The following IQGAP2 variants were observed in gnomAD, a reference collection of about 807,000 sequenced individuals.
IQGAP2 encodes the protein IQ motif containing GTPase activating protein 2, also known as ras GTPase-activating-like protein IQGAP2.
In IQGAP2, 173 loss-of-function variants were observed where a neutral mutation model predicts 201.3. The ratio of observed to expected loss-of-function variants is 0.86; its 90% CI spans 0.76 to 0.98. The LOEUF (loss-of-function observed/expected upper bound fraction) is 0.98. IQGAP2 is among the 50% of genes least tolerant of loss of function. The probability of loss-of-function intolerance (pLI) is 0.00; values close to 1 mark genes in which losing one functional copy is unlikely to be tolerated. For missense variants in IQGAP2, 1,687 were observed against 1,864.8 expected, an observed-to-expected ratio of 0.90 and a Z score of 1.76; for synonymous variants, 675 against 673.9, an observed-to-expected ratio of 1.00 and a Z score of -0.03.
At chr5:76,553,763 G>A (rs1216556949) in intron 2 of IQGAP2, among the ~76,000 whole-genome samples, 1 of 152,136 alleles carries the variant, frequency 6.6e-6, no homozygotes, top group Non-Finnish European at 1.5e-5. Flanking sequence ...ATAAGAAATA[G>A]CTTAAACTTT....
chr5:76,644,295 C>CTTTTTTTTTTT lies in IQGAP2; in HGVS notation c.2094+3204_2094+3214dup, dbSNP rs547155944. On this transcript the variant is annotated intron_variant, in intron 17 of 35. Coordinates refer to ENST00000274364, the MANE Select transcript of IQGAP2 (RefSeq NM_006633.5). ...AATGAGACTGCCATTTTTGTAAATCCTTTTTTTTTTTTTTTTTTTTTTGAG... is the reference window on the plus strand; with the variant it reads ...AATGAGACTGCCATTTTTGTAAATCCTTTTTTTTTTTTTTTTTTTTTTTTTTTTTTTTTGAG... Among the ~76,000 whole-genome samples, 109 of 47,768 alleles carry CTTTTTTTTTTT rather than the reference C, an allele frequency of 2.3e-3. 14 individuals carry two copies. The highest frequency in any genetic ancestry group is 3.5e-3 in the Non-Finnish European group (81 of 23,004). 31.3% of individuals were successfully genotyped at this position (47,768 alleles called of 152,430 possible). A position where few individuals can be genotyped will look rare whatever the true frequency, so the allele number is the denominator to read the frequency against.
chr5:76,615,908 T>G (rs1228594236), intron 13 of IQGAP2: 3 of 152,680 alleles, frequency 2.0e-5, no homozygotes, highest in Non-Finnish European at 4.4e-5. Context: ...TGAAATGATG[T>G]CATCCCGTAT....
At chr5:76,559,668 C>A (rs1277464584) in intron 2 of IQGAP2, among the ~76,000 whole-genome samples, 4 of 152,192 alleles carry the variant, frequency 2.6e-5, no homozygotes, top group Non-Finnish European at 5.9e-5. Flanking sequence ...AGCAGGTCCT[C>A]CAATAATGTC....
intron 2 of IQGAP2, among the ~76,000 whole-genome samples, chr5:76,559,344 A>G (rs903151400): frequency 6.6e-6 from 1 of 152,120 alleles, no homozygotes; most frequent in African/African-American, 2.4e-5. Context: ...CTGACAGAGG[A>G]GTCGGTCTCT....
Position 76,413,156 on chromosome 5 carries a change from C to CTTTTTTTTTTTTTTTTTTTTTTTT in IQGAP2, c.46+9572_46+9595dup, listed in dbSNP as rs567410789. Among the ~76,000 whole-genome samples the CTTTTTTTTTTTTTTTTTTTTTTTT allele has an allele frequency of 1.3e-4, 11 of 83,694 alleles. 1 individual carries two copies. Among genetic ancestry groups the CTTTTTTTTTTTTTTTTTTTTTTTT allele is most frequent in the East Asian group, 3.6e-4 (1 of 2,754 alleles). The allele number at this position is 83,694 out of a possible 152,430, so 54.9% of individuals were successfully genotyped here. ...TATTTTCTTTTTTCTTTTCTTTTCT[C>CTTTTTTTTTTTTTTTTTTTTTTTT]TTTTTTTTTTTTTTTTTTTTTTTTT... is the stretch of plus-strand genomic sequence containing the variant. On this transcript the variant is annotated intron_variant, in intron 1 of 35. Transcript: ENST00000274364.
intron 2 of IQGAP2, among the ~76,000 whole-genome samples, chr5:76,558,747 A>G (rs1191975370): frequency 6.6e-6 from 1 of 152,174 alleles, no homozygotes; most frequent in African/African-American, 2.4e-5. Flanking sequence ...TCTTATCACC[A>G]ACACCCCTCC....
intron 2 of IQGAP2, among the ~76,000 whole-genome samples, chr5:76,547,961 T>C (rs1743196047): frequency 6.6e-6 from 1 of 152,212 alleles, no homozygotes; most frequent in African/African-American, 2.4e-5. Context: ...CGCTGCTCTG[T>C]GGAGAACAGT....
At chr5:76,525,481 T>G (rs776591065) in intron 2 of IQGAP2, among the ~76,000 whole-genome samples, 3 of 152,172 alleles carry the variant, frequency 2.0e-5, no homozygotes, top group Non-Finnish European at 2.9e-5. Flanking sequence ...TTTTTAATTC[T>G]GTGTAGGGAC....
At chr5:76,572,276 CA>C (rs1217548912) in intron 4 of IQGAP2, among the ~76,000 whole-genome samples, 1 of 149,284 alleles carries the variant, frequency 6.7e-6, no homozygotes, top group Non-Finnish European at 1.5e-5. Flanking sequence ...TGCATTGGCA[CA>C]ATCTCGGCTC....
At chr5:76,685,312 T>C (rs1480108467) in intron 30 of IQGAP2, among the ~76,000 whole-genome samples, 1 of 152,186 alleles carries the variant, frequency 6.6e-6, no homozygotes, top group African/African-American at 2.4e-5. Context: ...GGTTTTGCCA[T>C]GTAAATGAAA....
chr5:76,510,237 T>A (rs1757880949), intron 2 of IQGAP2, among the ~76,000 whole-genome samples: 1 of 152,180 alleles, frequency 6.6e-6, no homozygotes, highest in East Asian at 1.9e-4. Flanking sequence ...TGACCTCAGA[T>A]GATCCACCCG....
At chr5:76,435,060 C>CTT (rs60916124) in intron 1 of IQGAP2, among the ~76,000 whole-genome samples, 5 of 128,000 alleles carry the variant, frequency 3.9e-5, no homozygotes, top group South Asian at 2.2e-4. Flanking sequence ...TTTTTTTTTT[C>CTT]TTTTTTTTTG....
chr5:76,511,810 A>G (rs1757984296), intron 2 of IQGAP2, among the ~76,000 whole-genome samples: 1 of 151,546 alleles, frequency 6.6e-6, no homozygotes, highest in Admixed American at 6.6e-5. Flanking sequence ...CCTCCCGAGT[A>G]GCTGGGACTA....
chr5:76,556,480 A>C (rs1187068590), intron 2 of IQGAP2, among the ~76,000 whole-genome samples: 1 of 152,168 alleles, frequency 6.6e-6, no homozygotes, highest in Non-Finnish European at 1.5e-5. Context: ...GAAGAACCTT[A>C]CCAAGGACTC....
At chr5:76,405,042 C>G (rs1750721187) in intron 1 of IQGAP2, among the ~76,000 whole-genome samples, 1 of 152,216 alleles carries the variant, frequency 6.6e-6, no homozygotes, top group Non-Finnish European at 1.5e-5. Context: ...ATGGTGGCTT[C>G]ACTGTGTCAA....
At chr5:76,531,456 G>A (rs552930290) in intron 2 of IQGAP2, among the ~76,000 whole-genome samples, 48 of 152,132 alleles carry the variant, frequency 3.2e-4, no homozygotes, top group South Asian at 2.9e-3. Flanking sequence ...TGAGGGACAG[G>A]GTTTTGCTAT....
intron 1 of IQGAP2, among the ~76,000 whole-genome samples, chr5:76,459,842 T>C (rs1754328668): frequency 6.6e-6 from 1 of 152,250 alleles, no homozygotes; most frequent in Admixed American, 6.5e-5. Context: ...GATTTCACCA[T>C]GTTGCCCAGG....
intron 2 of IQGAP2, among the ~76,000 whole-genome samples, chr5:76,464,379 T>C (rs4452539): frequency 0.39 from 59,033 of 152,110 alleles, 12,361 homozygotes; most frequent in Middle Eastern, 0.48. Flanking sequence ...ATTTGTGATA[T>C]TGGGTTTATT....
chr5:76,410,307 CTATT>C (rs529199461), intron 1 of IQGAP2, among the ~76,000 whole-genome samples: 1 of 152,138 alleles, frequency 6.6e-6, no homozygotes, highest in Non-Finnish European at 1.5e-5. Context: ...GTGGAATCTT[CTATT>C]TATATAGGCA....
Sources: gnomAD v4.1 joint callset for allele counts (sites outside exome capture counted in the v4.1 genomes callset) on GRCh38, gnomAD v4.1.1 for gene constraint, MANE v1.5 for transcripts, NCBI Gene and HGNC (gene_info 2026-07-23, HGNC 2026-07-21) for gene names.